The following GRID2 variants were observed in gnomAD, a reference collection of about 807,000 sequenced individuals.
The protein encoded by GRID2 is glutamate receptor ionotropic, delta-2.
In GRID2, 33 loss-of-function variants were observed where a neutral mutation model predicts 114.8. That is an observed-to-expected ratio of 0.29 (90% confidence interval 0.22 to 0.38). The LOEUF (loss-of-function observed/expected upper bound fraction) is 0.38, where lower values mean the gene tolerates loss of function less well. Among genes scored for constraint, GRID2 ranks in the 10% least tolerant of loss-of-function variants. The probability of loss-of-function intolerance (pLI) is 1.00; values close to 1 mark genes in which losing one functional copy is unlikely to be tolerated. For synonymous variants in GRID2, 505 were observed against 449.9 expected, an observed-to-expected ratio of 1.12 and a Z score of -1.55; for missense variants, 1,184 against 1,257.7, an observed-to-expected ratio of 0.94 and a Z score of 0.89.
intron 13 of GRID2, among the ~76,000 whole-genome samples, chr4:93,620,127 A>C (rs1742077440): frequency 6.6e-6 from 1 of 152,212 alleles, no homozygotes; most frequent in African/African-American, 2.4e-5. Flanking sequence ...GAACAAATAA[A>C]TGTGTATGTA....
chr4:92,348,535 A>G (rs1489978182), intron 1 of GRID2, among the ~76,000 whole-genome samples: 1 of 152,198 alleles, frequency 6.6e-6, no homozygotes, highest in Non-Finnish European at 1.5e-5. Flanking sequence ...GAAAGACTGA[A>G]GAGCTAAAAG....
intron 2 of GRID2, among the ~76,000 whole-genome samples, chr4:92,769,574 T>C (rs1738438743): frequency 6.6e-6 from 1 of 152,212 alleles, no homozygotes; most frequent in Non-Finnish European, 1.5e-5. Flanking sequence ...AGCAAACTTT[T>C]GCCTGGACAT....
rs192192543 is a variant in GRID2 at position 93,246,414 on chromosome 4, C to T, written c.1245+7924C>T. 4.3e-3 allele frequency among the ~76,000 whole-genome samples: 658 copies of T among 151,972 alleles called. 5 individuals carry two copies. Among genetic ancestry groups the T allele is most frequent in the Non-Finnish European group, 8.1e-3 (548 of 67,954 alleles). On this transcript the variant is annotated intron_variant, in intron 8 of 15. Coordinates refer to ENST00000282020, the MANE Select transcript of GRID2 (RefSeq NM_001510.4). Reference sequence around the variant, plus strand: ...CATCCTGGCTAACACAGTGAAACCTCGCCTCTACTAAAAATACAAAAAATT... The same window carrying T: ...CATCCTGGCTAACACAGTGAAACCTTGCCTCTACTAAAAATACAAAAAATT...
At chr4:92,427,990 C>T (rs974755728) in intron 1 of GRID2, among the ~76,000 whole-genome samples, 3 of 152,064 alleles carry the variant, frequency 2.0e-5, no homozygotes, top group Non-Finnish European at 4.4e-5. Context: ...GGGCCAGGCA[C>T]GGTGGCTCAT....
At chr4:92,904,190 T>C (rs987486067) in intron 2 of GRID2, among the ~76,000 whole-genome samples, 4 of 151,576 alleles carry the variant, frequency 2.6e-5, no homozygotes, top group African/African-American at 7.2e-5. Flanking sequence ...TATTAATGTA[T>C]GGCCTTTTTT....
At chr4:93,698,320 A>G (rs1340537477) in intron 14 of GRID2, among the ~76,000 whole-genome samples, 1 of 152,086 alleles carries the variant, frequency 6.6e-6, no homozygotes, top group Non-Finnish European at 1.5e-5. Flanking sequence ...CTGTATAACA[A>G]CATTTAACAG....
At chr4:92,880,795 G>A (rs1242266743) in intron 2 of GRID2, among the ~76,000 whole-genome samples, 2 of 151,954 alleles carry the variant, frequency 1.3e-5, no homozygotes, top group Non-Finnish European at 2.9e-5. Context: ...TATCTTGGCT[G>A]GCTACAACCT....
chr4:93,036,191 C>T (rs1724917449), intron 2 of GRID2, among the ~76,000 whole-genome samples: 1 of 152,032 alleles, frequency 6.6e-6, no homozygotes, highest in African/African-American at 2.4e-5. Context: ...CTAAAACAAC[C>T]TCTCTCCTCC....
intron 8 of GRID2, among the ~76,000 whole-genome samples, chr4:93,354,384 A>C (rs2149265189): frequency 6.6e-6 from 1 of 152,196 alleles, no homozygotes; most frequent in East Asian, 1.9e-4. Flanking sequence ...ATGTCACAGA[A>C]GCTAAGAATG....
At chr4:92,654,766 T>G (rs1224668610) in intron 2 of GRID2, among the ~76,000 whole-genome samples, 1 of 152,078 alleles carries the variant, frequency 6.6e-6, no homozygotes, top group Non-Finnish European at 1.5e-5. Context: ...AAAAAATTGT[T>G]GAAGTGTTTG....
chr4:92,410,850 T>G (rs1160039230), intron 1 of GRID2, among the ~76,000 whole-genome samples: 1 of 151,286 alleles, frequency 6.6e-6, no homozygotes, highest in Non-Finnish European at 1.5e-5. Flanking sequence ...TTTTTTTTTT[T>G]TTTTTGCAAA....
intron 2 of GRID2, among the ~76,000 whole-genome samples, chr4:92,617,989 T>C (rs1246367821): frequency 6.6e-6 from 1 of 151,706 alleles, no homozygotes; most frequent in Admixed American, 6.6e-5. Flanking sequence ...GTTAATTGTT[T>C]CCTTTGCAGT....
chr4:92,847,260 G>A (rs1418101580), intron 2 of GRID2, among the ~76,000 whole-genome samples: 1 of 152,030 alleles, frequency 6.6e-6, no homozygotes, highest in Admixed American at 6.6e-5. Flanking sequence ...GCATTAGGTA[G>A]ACACAACCAG....
intron 6 of GRID2, among the ~76,000 whole-genome samples, chr4:93,217,480 C>T (rs1229119733): frequency 6.6e-6 from 1 of 151,978 alleles, no homozygotes; most frequent in African/African-American, 2.4e-5. Context: ...ACACCAAGTC[C>T]CTGTAGCTTA....
chr4:92,392,237 A>C (rs11933589), intron 1 of GRID2, among the ~76,000 whole-genome samples: 52,280 of 151,866 alleles, frequency 0.34, 9,876 homozygotes, highest in East Asian at 0.71. Flanking sequence ...TTAATTCTAC[A>C]TAATTCAGTG....
chr4:92,519,428 A>C (rs1387906884), intron 1 of GRID2, among the ~76,000 whole-genome samples: 2 of 151,624 alleles, frequency 1.3e-5, no homozygotes, highest in African/African-American at 4.8e-5. Context: ...AGTTCTCAGA[A>C]TCTAAGTACT....
chr4:92,780,623 A>G (rs1427358926), intron 2 of GRID2, among the ~76,000 whole-genome samples: 1 of 152,092 alleles, frequency 6.6e-6, no homozygotes, highest in Non-Finnish European at 1.5e-5. Flanking sequence ...TTAGTCCTTA[A>G]GGTTTCAATC....
intron 12 of GRID2, among the ~76,000 whole-genome samples, chr4:93,513,014 T>A (rs1729348033): frequency 6.6e-6 from 1 of 152,152 alleles, no homozygotes; most frequent in Non-Finnish European, 1.5e-5. Context: ...AAAACTGCAC[T>A]AAACTGTGAT....
intron 2 of GRID2, among the ~76,000 whole-genome samples, chr4:93,021,458 A>C (rs1042866933): frequency 1.4e-4 from 21 of 149,208 alleles, no homozygotes; most frequent in African/African-American, 4.4e-4. Context: ...AAAAATTATT[A>C]AAGGACTCAG....
Sources: gnomAD v4.1 joint callset for allele counts (sites outside exome capture counted in the v4.1 genomes callset) on GRCh38, gnomAD v4.1.1 for gene constraint, MANE v1.5 for transcripts, NCBI Gene and HGNC (gene_info 2026-07-23, HGNC 2026-07-21) for gene names.